VPS41: variants seen among roughly 807,000 people sequenced by gnomAD.
The protein encoded by VPS41 is VPS41 subunit of HOPS complex.
In VPS41, 85 loss-of-function variants were observed where a neutral mutation model predicts 130.9. The observed-to-expected ratio is 0.65, with a 90% CI of 0.55 to 0.78. VPS41 has a LOEUF of 0.78. Ranked by LOEUF, VPS41 falls within the 30% of genes least tolerant of loss-of-function variation. The probability of loss-of-function intolerance (pLI) is 0.00; values close to 1 mark genes in which losing one functional copy is unlikely to be tolerated. For synonymous variants in VPS41, 335 were observed against 332.9 expected (o/e 1.01, Z -0.07); for missense variants, 874 against 1,018.7 (o/e 0.86, Z 1.93).
At chr7:38,865,591 T>C (rs1432507646) in intron 3 of VPS41, among the ~76,000 whole-genome samples, 4 of 152,162 alleles carry the variant, frequency 2.6e-5, no homozygotes, top group South Asian at 2.1e-4. Flanking sequence ...CTATGGAACA[T>C]AGTAGATGAC....
intron 22 of VPS41, among the ~76,000 whole-genome samples, chr7:38,751,155 A>G (rs1274306676): frequency 6.6e-6 from 1 of 152,240 alleles, no homozygotes; most frequent in Non-Finnish European, 1.5e-5. Flanking sequence ...CCATTGAGCT[A>G]AATTGGTTCA....
At chr7:38,757,091 A>T in intron 18 of VPS41, 109 bp from the exon 19 acceptor site, 1 of 849,548 alleles carries the variant, frequency 1.2e-6, no homozygotes, top group Non-Finnish European at 1.8e-6. Flanking sequence ...CTTTAGAGAG[A>T]AAAGTTAACT....
At chr7:38,862,113 A>T (rs75430316) in intron 4 of VPS41, among the ~76,000 whole-genome samples, 3,046 of 152,312 alleles carry the variant, frequency 0.02, 112 homozygotes, top group African/African-American at 0.069. Flanking sequence ...CAGAGTATGT[A>T]AATTTGCACT....
At chr7:38,875,670 T>C (rs1478008457) in intron 2 of VPS41, among the ~76,000 whole-genome samples, 1 of 152,186 alleles carries the variant, frequency 6.6e-6, no homozygotes, top group Admixed American at 6.5e-5. Context: ...GTATTATAGC[T>C]GCCTCAATGA....
chr7:38,898,630 A>G (rs1787068355), intron 1 of VPS41, among the ~76,000 whole-genome samples: 1 of 152,270 alleles, frequency 6.6e-6, no homozygotes, highest in Admixed American at 6.5e-5. Flanking sequence ...TGTGTAAACA[A>G]GCTGTATAAT....
chr7:38,867,622 G>A (rs1162011684), intron 3 of VPS41, among the ~76,000 whole-genome samples: 1 of 152,062 alleles, frequency 6.6e-6, no homozygotes, highest in African/African-American at 2.4e-5. Flanking sequence ...AAGAGGTCAG[G>A]AATTGAGGCT....
At position 38,869,159 on chromosome 7, in the gene VPS41, G is replaced by C. The variant is rs147210031; in HGVS notation, c.155C>G (p.Thr52Arg). ...ILQKDAASCM[T>R]VHDKFLALGT... ...GTGCTATCTTACCTTGTCATGGACT[G>C]TCATGCAGCTAGCTGCATCCTTCTG... The change falls in exon 3 of 29, where the codon ACA becomes AGA. Residue 52 changes from threonine to arginine, a missense_variant. By Grantham distance (71) the Thr-to-Arg change is moderately conservative. Transcript: ENST00000310301. 6,946 of 1,597,814 alleles carry C rather than the reference G, an allele frequency of 4.3e-3. 22 individuals are homozygous for C. The highest frequency in any genetic ancestry group is 5.3e-3 in the Non-Finnish European group (6,191 of 1,170,100).
intron 7 of VPS41, chr7:38,797,147 A>G (rs1444713794): frequency 4.0e-6 from 1 of 249,330 alleles, no homozygotes; most frequent in African/African-American, 2.2e-5. Context: ...AATAATGCAC[A>G]TTAGTTAATC....
At chr7:38,838,555 T>C (rs1211576121) in intron 4 of VPS41, among the ~76,000 whole-genome samples, 4 of 152,112 alleles carry the variant, frequency 2.6e-5, no homozygotes, top group Non-Finnish European at 4.4e-5. Flanking sequence ...ACAATATAAG[T>C]GAGTTTGTTC....
chr7:38,764,648 T>C (rs1783994471), intron 16 of VPS41, among the ~76,000 whole-genome samples: 1 of 152,046 alleles, frequency 6.6e-6, no homozygotes, highest in South Asian at 2.1e-4. Flanking sequence ...AAGTGGAGAT[T>C]AAACAGAATG....
At chr7:38,847,504 TA>T (rs1353861374) in intron 4 of VPS41, among the ~76,000 whole-genome samples, 1 of 152,154 alleles carries the variant, frequency 6.6e-6, no homozygotes, top group Non-Finnish European at 1.5e-5. Flanking sequence ...AAAAGGAAAT[TA>T]TAAGTATGTT....
intron 7 of VPS41, among the ~76,000 whole-genome samples, chr7:38,803,638 A>C (rs1400707228): frequency 6.6e-6 from 1 of 152,246 alleles, no homozygotes; most frequent in Non-Finnish European, 1.5e-5. Context: ...CTTGTTACAA[A>C]AGGATTTAAA....
chr7:38,788,999 C>T (rs1377441689), intron 10 of VPS41, among the ~76,000 whole-genome samples: 1 of 152,182 alleles, frequency 6.6e-6, no homozygotes, highest in African/African-American at 2.4e-5. Flanking sequence ...GGCAAATGAA[C>T]TTTTCAGCTG....
chr7:38,743,575 T>C lies in VPS41; in HGVS notation c.1982-33A>G, dbSNP rs769458796. On this transcript the variant is annotated intron_variant, in intron 23 of 28. Transcript: ENST00000310301. Reference sequence around the variant, plus strand: ...GGGTGAAGATGGGAGAAAGAGTTCATTTAAGGTATTTTAATAATTTTTTTA... The same window carrying C: ...GGGTGAAGATGGGAGAAAGAGTTCACTTAAGGTATTTTAATAATTTTTTTA... 7.5e-6 allele frequency: 12 copies of C among 1,596,484 alleles called. No homozygotes were observed. In the Admixed American group the frequency reaches 2.1e-4, roughly 28 times the overall value.
At chr7:38,895,799 C>T (rs758088) in intron 2 of VPS41, among the ~76,000 whole-genome samples, 138,101 of 152,204 alleles carry the variant, frequency 0.91, 62,725 homozygotes, top group East Asian at 0.99. Flanking sequence ...AAGCCCTATA[C>T]ACTTTCAAGC....
chr7:38,791,948 C>A (rs1784544117), intron 9 of VPS41, among the ~76,000 whole-genome samples: 1 of 152,136 alleles, frequency 6.6e-6, no homozygotes, highest in African/African-American at 2.4e-5. Context: ...TTCCAACACT[C>A]AGACACCCCT....
intron 16 of VPS41, 27 bp downstream of exon 16, chr7:38,765,553 G>A (rs1784023246): frequency 1.4e-6 from 2 of 1,445,382 alleles, no homozygotes; most frequent in Admixed American, 1.9e-5. Context: ...TGCAGAAACT[G>A]AGAGTTAAAA....
chr7:38,895,039 T>C (rs931926977), intron 2 of VPS41, among the ~76,000 whole-genome samples: 4 of 152,226 alleles, frequency 2.6e-5, no homozygotes, highest in East Asian at 1.9e-4. Context: ...TACTTTACTG[T>C]GGCCAGGCAC....
At chr7:38,831,799 G>C (rs1785391640) in intron 4 of VPS41, among the ~76,000 whole-genome samples, 1 of 152,202 alleles carries the variant, frequency 6.6e-6, no homozygotes, top group South Asian at 2.1e-4. Context: ...GTGGTCTAAA[G>C]CCACAGTGCT....
Sources: gnomAD v4.1 joint callset for allele counts (sites outside exome capture counted in the v4.1 genomes callset) on GRCh38, gnomAD v4.1.1 for gene constraint, MANE v1.5 for transcripts, NCBI Gene and HGNC (gene_info 2026-07-23, HGNC 2026-07-21) for gene names.